EGFR: variants seen among roughly 807,000 people sequenced by gnomAD.
EGFR encodes avian erythroblastic leukemia viral (v-erb-b) oncogene homolog.
A neutral mutation model predicts 143.0 loss-of-function variants in EGFR; 58 were observed. The ratio of observed to expected loss-of-function variants is 0.41; its 90% confidence interval spans 0.33 to 0.50. The LOEUF is 0.50. Ranked by LOEUF, EGFR falls within the 20% of genes least tolerant of loss-of-function variation. The pLI is 0.39. For missense variants in EGFR, 1,307 were observed against 1,579.0 expected (o/e 0.83, Z 2.92); for synonymous variants, 613 against 594.4 (o/e 1.03, Z -0.45).
At chr7:55,152,483 C>CG in intron 5 of EGFR, 63 bp from the exon 6 acceptor site, 1 of 1,446,934 alleles carries the variant, frequency 6.9e-7, no homozygotes, top group South Asian at 1.1e-5. Context: ...TGCTCTGCGA[C>CG]ATCCCTGGGA....
chr7:55,202,119 T>C (rs1445626716), intron 26 of EGFR, among the ~76,000 whole-genome samples: 10 of 152,186 alleles, frequency 6.6e-5, no homozygotes, highest in Admixed American at 6.5e-4. Context: ...GGCCGTGGTC[T>C]AGACCGCACT....
intron 1 of EGFR, among the ~76,000 whole-genome samples, chr7:55,111,191 A>G (rs1017315779): frequency 2.0e-5 from 3 of 152,148 alleles, no homozygotes; most frequent in Non-Finnish European, 4.4e-5. Flanking sequence ...TGAGTCCTCT[A>G]ACTCTAATGG....
At chr7:55,157,925 G>A (rs529071135) in intron 11 of EGFR, among the ~76,000 whole-genome samples, 172 bp downstream of exon 11, 1 of 152,336 alleles carries the variant, frequency 6.6e-6, no homozygotes, top group East Asian at 1.9e-4. Context: ...ACGACCACTG[G>A]CACAGGCTGT....
intron 1 of EGFR, among the ~76,000 whole-genome samples, chr7:55,046,885 T>A (rs1430952711): frequency 6.6e-6 from 1 of 152,208 alleles, no homozygotes; most frequent in Non-Finnish European, 1.5e-5. Flanking sequence ...TACTTGCTGC[T>A]TTGCAAGTGT....
At chr7:55,022,455 G>A (rs1028272383) in intron 1 of EGFR, among the ~76,000 whole-genome samples, 2 of 152,176 alleles carry the variant, frequency 1.3e-5, no homozygotes, top group African/African-American at 2.4e-5. Context: ...GCCCAAGCCC[G>A]GCCTGGCAAT....
chr7:55,135,249 A>T (rs1794070785), intron 1 of EGFR, among the ~76,000 whole-genome samples: 1 of 151,848 alleles, frequency 6.6e-6, no homozygotes, highest in African/African-American at 2.4e-5. Context: ...AACTCAAAAT[A>T]AAGAGATGTT....
intron 27 of EGFR, among the ~76,000 whole-genome samples, 167 bp from the exon 28 acceptor site, chr7:55,205,089 A>G (rs1788056426): frequency 6.6e-6 from 1 of 152,194 alleles, no homozygotes; most frequent in African/African-American, 2.4e-5. Context: ...GAAGGACAGG[A>G]AAGAACCCAC....
chr7:55,184,292 T>C (rs1787033404), intron 20 of EGFR, among the ~76,000 whole-genome samples: 1 of 152,212 alleles, frequency 6.6e-6, no homozygotes, highest in Admixed American at 6.5e-5. Context: ...CACTAAAATA[T>C]ACCCAGAAAC....
At chr7:55,068,887 G>A (rs1382968725) in intron 1 of EGFR, among the ~76,000 whole-genome samples, 4 of 152,178 alleles carry the variant, frequency 2.6e-5, no homozygotes, top group African/African-American at 9.7e-5. Context: ...TCAGGGACAG[G>A]GGTGAGTGGT....
chr7:55,054,860 T>A (rs1446617575), intron 1 of EGFR, among the ~76,000 whole-genome samples: 4 of 152,186 alleles, frequency 2.6e-5, no homozygotes, highest in Admixed American at 2.6e-4. Context: ...CAGGTCCCCG[T>A]GACCTGCAGA....
chr7:55,143,246 A>T (rs2128927024), intron 2 of EGFR, 59 bp from the exon 3 acceptor site: 1 of 1,603,048 alleles, frequency 6.2e-7, no homozygotes, highest in Non-Finnish European at 8.5e-7. Context: ...CCCATTTTAG[A>T]CCTTGAGTTC....
chr7:55,054,975 C>T (rs1345774476), intron 1 of EGFR, among the ~76,000 whole-genome samples: 1 of 152,222 alleles, frequency 6.6e-6, no homozygotes, highest in Non-Finnish European at 1.5e-5. Flanking sequence ...CCCTCCTGCC[C>T]TTCACTGGGG....
chr7:55,058,311 T>C (rs1788956843), intron 1 of EGFR, among the ~76,000 whole-genome samples: 1 of 152,156 alleles, frequency 6.6e-6, no homozygotes, highest in Non-Finnish European at 1.5e-5. Flanking sequence ...GGAAAATTGC[T>C]TGAACGCGGG....
chr7:55,088,252 C>T (rs527703871), intron 1 of EGFR, among the ~76,000 whole-genome samples: 3 of 152,300 alleles, frequency 2.0e-5, no homozygotes, highest in African/African-American at 4.8e-5. Context: ...CTTGGCCCTA[C>T]GCTGAAGGTA....
chr7:55,126,331 C>T (rs181040098), intron 1 of EGFR, among the ~76,000 whole-genome samples: 24 of 152,308 alleles, frequency 1.6e-4, no homozygotes, highest in African/African-American at 4.8e-4. Flanking sequence ...CCTAAAAGGA[C>T]GATGACAACA....
chr7:55,076,440 C>T (rs570759275), intron 1 of EGFR, among the ~76,000 whole-genome samples: 2 of 152,282 alleles, frequency 1.3e-5, no homozygotes, highest in East Asian at 3.9e-4. Flanking sequence ...CACTGTTAGG[C>T]ATATTAACTT....
intron 1 of EGFR, among the ~76,000 whole-genome samples, chr7:55,037,389 G>T (rs1249398272): frequency 1.3e-5 from 2 of 152,298 alleles, no homozygotes; most frequent in South Asian, 2.1e-4. Context: ...TACCTAATGT[G>T]GTTTGCGAGA....
chr7:55,191,893 G>T lies in EGFR; in HGVS notation c.2625+19G>T, dbSNP rs1170837791. The T allele has an allele frequency of 6.2e-7, 1 of 1,612,608 alleles. No homozygotes were observed. Among genetic ancestry groups the T allele is most frequent in the East Asian group, 2.2e-5 (1 of 44,840 alleles). On this transcript the variant is annotated intron_variant, in intron 21 of 27. Transcript: ENST00000275493. ...AGGCAAAGTAAGGAGGTGGCTTTAG[G>T]TCAGCCAGCATTTTCCTGACACCAG...
intron 15 of EGFR, chr7:55,170,850 G>A (rs1786314057): frequency 7.1e-7 from 1 of 1,411,748 alleles, no homozygotes. Flanking sequence ...CCCTCTGTTT[G>A]AAATTCTAGA....
Sources: gnomAD v4.1 joint callset for allele counts (sites outside exome capture counted in the v4.1 genomes callset) on GRCh38, gnomAD v4.1.1 for gene constraint, MANE v1.5 for transcripts, NCBI Gene and HGNC (gene_info 2026-07-23, HGNC 2026-07-21) for gene names.